TEX53: variants seen among roughly 807,000 people sequenced by gnomAD.
TEX53 encodes the protein testis expressed 53.
intron 1 of TEX53, among the ~76,000 whole-genome samples, chr9:114,656,910 T>A (rs1827711982): frequency 6.6e-6 from 1 of 152,082 alleles, no homozygotes; most frequent in African/African-American, 2.4e-5. Flanking sequence ...GGAGTCTCGC[T>A]CTGTCGCTCA....
Position 114,656,505 on chromosome 9 carries a change from C to G in TEX53, c.*24G>C. On this transcript the variant is annotated 3_prime_UTR_variant, in exon 2 of 2. Coordinates refer to ENST00000423632, the MANE Select transcript of TEX53 (RefSeq NM_001354645.2). ...AGCAGCTGTGCAGCCGCAGGGACCACGTGGGTGCCGCCGGCTAGAATGCTC... is the reference window on the plus strand; with the variant it reads ...AGCAGCTGTGCAGCCGCAGGGACCAGGTGGGTGCCGCCGGCTAGAATGCTC... 1 of 398,514 alleles carries G rather than the reference C, an allele frequency of 2.5e-6. No homozygotes were observed. The highest frequency in any genetic ancestry group is 3.6e-5 in the East Asian group (1 of 28,062). 24.7% of individuals were successfully genotyped at this position (398,514 alleles called of 1,614,324 possible). A position where few individuals can be genotyped will look rare whatever the true frequency, so the allele number is the denominator to read the frequency against.
At position 114,656,852 on chromosome 9, in the gene TEX53, A is replaced by C. The variant is rs140015693; in HGVS notation, c.110-220T>G. On this transcript the variant is annotated intron_variant, in intron 1 of 1. Coordinates refer to ENST00000423632, the MANE Select transcript of TEX53 (RefSeq NM_001354645.2). ...AGCGTGGCCCAGCTGATCCTTATAC[A>C]CATCCACAGATATCATTTGTTGAAT... Among the ~76,000 whole-genome samples, 163 of 152,260 alleles carry C rather than the reference A, an allele frequency of 1.1e-3. 2 individuals are homozygous for C. The highest frequency in any genetic ancestry group is 3.9e-3 in the African/African-American group (160 of 41,538).
rs537695618 is a variant in TEX53 at position 114,657,690 on chromosome 9, C to A, written c.85G>T (p.Glu29Ter). Residue 29 changes from glutamate to a stop codon, truncating the protein, a stop_gained, in exon 1 of 2, where the codon GAA (glutamate) becomes TAA (stop). Coordinates refer to ENST00000423632, the MANE Select transcript of TEX53 (RefSeq NM_001354645.2). LOFTEE classifies it low-confidence loss of function (END_TRUNC). Reference protein sequence around the residue: ...TVGFHNPRMFEQHHPRSFNLN... With the variant: ...TVGFHNPRMF ...CTGAAGGACCGTGGATGATGCTGTT[C>A]GAACATTCTTGGATTGTGGAAGCCA... 3 of 398,542 alleles carry A rather than the reference C, an allele frequency of 7.5e-6. No individual in the cohort carries two copies. The highest frequency in any genetic ancestry group is 4.1e-5 in the African/African-American group (2 of 48,642). 24.7% of individuals were successfully genotyped at this position (398,542 alleles called of 1,614,324 possible).
chr9:114,656,997 C>T (rs1827712995), intron 1 of TEX53, among the ~76,000 whole-genome samples: 1 of 152,162 alleles, frequency 6.6e-6, no homozygotes, highest in Non-Finnish European at 1.5e-5. Flanking sequence ...CTGCCTCAGC[C>T]TCCTGAGTAG....
Sources: gnomAD v4.1 joint callset for allele counts (sites outside exome capture counted in the v4.1 genomes callset) on GRCh38, gnomAD v4.1.1 for gene constraint, MANE v1.5 for transcripts, NCBI Gene and HGNC (gene_info 2026-07-23, HGNC 2026-07-21) for gene names.